Variants in L3MBTL4 observed in about 807,000 individuals in gnomAD.
L3MBTL4 encodes L3MBTL histone methyl-lysine binding protein 4, also known as lethal(3)malignant brain tumor-like protein 4.
In L3MBTL4, 70 loss-of-function variants were observed where a neutral mutation model predicts 84.5. The observed-to-expected ratio is 0.83, with a 90% CI of 0.68 to 1.01. L3MBTL4 has a LOEUF of 1.01. Among genes scored for constraint, L3MBTL4 ranks in the 50% least tolerant of loss-of-function variants. The pLI, the probability that L3MBTL4 is intolerant of heterozygous loss-of-function variation, is 0.00. For synonymous variants in L3MBTL4, 274 were observed against 259.8 expected, an observed-to-expected ratio of 1.05 and a Z score of -0.52; for missense variants, 715 against 754.8, an observed-to-expected ratio of 0.95 and a Z score of 0.62.
chr18:6,114,233 G>A (rs2059288333), intron 14 of L3MBTL4, among the ~76,000 whole-genome samples: 1 of 152,142 alleles, frequency 6.6e-6, no homozygotes, highest in Admixed American at 6.5e-5. Context: ...GAGCAGGGCT[G>A]GGCCTCCCCT....
chr18:6,311,163 G>C (rs1029394759), intron 3 of L3MBTL4, among the ~76,000 whole-genome samples: 6 of 151,348 alleles, frequency 4.0e-5, no homozygotes, highest in Non-Finnish European at 4.4e-5. Context: ...GCTCTCTCTC[G>C]CTCTGTGTGT....
intron 10 of L3MBTL4, among the ~76,000 whole-genome samples, chr18:6,233,660 TAA>T (rs1187345136): frequency 1.3e-5 from 2 of 151,756 alleles, no homozygotes; most frequent in African/African-American, 4.9e-5. Context: ...CTCAATGAAA[TAA>T]AAGAGGAAAC....
chr18:6,297,792 G>GC (rs1385080203), intron 4 of L3MBTL4, among the ~76,000 whole-genome samples: 1 of 152,050 alleles, frequency 6.6e-6, no homozygotes, highest in African/African-American at 2.4e-5. Flanking sequence ...ATTCATTTTA[G>GC]CCATCATTCA....
At chr18:6,367,240 A>G (rs2053974085) in intron 1 of L3MBTL4, 1 of 152,230 alleles carries the variant, frequency 6.6e-6, no homozygotes, top group African/African-American at 2.4e-5. Flanking sequence ...GAAATGTGCT[A>G]TTTTCAAAAC....
intron 16 of L3MBTL4, chr18:6,029,590 T>C: frequency 1.0e-6 from 1 of 985,242 alleles, no homozygotes; most frequent in Non-Finnish European, 1.2e-6. Context: ...TGCTTAGGAA[T>C]AAACTTCGTA....
intron 12 of L3MBTL4, among the ~76,000 whole-genome samples, chr18:6,193,837 C>A (rs16949615): frequency 1.3e-5 from 2 of 152,078 alleles, no homozygotes; most frequent in African/African-American, 4.8e-5. Flanking sequence ...GCTTAAATGC[C>A]CTTTTACCAG....
intron 1 of L3MBTL4, among the ~76,000 whole-genome samples, chr18:6,373,090 C>T (rs2054222944): frequency 6.6e-6 from 1 of 152,120 alleles, no homozygotes; most frequent in South Asian, 2.1e-4. Context: ...AATATTTAAA[C>T]ATGGTTCTCT....
At chr18:6,351,383 T>G (rs2729735) in intron 1 of L3MBTL4, among the ~76,000 whole-genome samples, 41,384 of 151,856 alleles carry the variant, frequency 0.27, 7,369 homozygotes, top group African/African-American at 0.51. Context: ...GGGGATTGAT[T>G]GTTTACTGAA....
chr18:6,130,694 A>T (rs1337093464), intron 14 of L3MBTL4, among the ~76,000 whole-genome samples: 1 of 152,224 alleles, frequency 6.6e-6, no homozygotes, highest in African/African-American at 2.4e-5. Flanking sequence ...ATTTGGAAAA[A>T]AAAATTTCGT....
intron 17 of L3MBTL4, among the ~76,000 whole-genome samples, chr18:5,967,597 A>G (rs1434703935): frequency 6.6e-6 from 1 of 152,120 alleles, no homozygotes; most frequent in Non-Finnish European, 1.5e-5. Flanking sequence ...CCAGGTGCCT[A>G]TTAAGTGCAG....
chr18:6,146,113 G>T (rs565973395), intron 13 of L3MBTL4, among the ~76,000 whole-genome samples: 1 of 152,236 alleles, frequency 6.6e-6, no homozygotes. Flanking sequence ...GAGATGAGAC[G>T]GCGTGGGCCA....
chr18:6,134,195 C>T (rs2059960712), intron 14 of L3MBTL4, among the ~76,000 whole-genome samples: 1 of 152,128 alleles, frequency 6.6e-6, no homozygotes, highest in African/African-American at 2.4e-5. Context: ...TGTTCACTAT[C>T]ACAAGAATAG....
chr18:5,965,502 A>G (rs1192607838), intron 17 of L3MBTL4, among the ~76,000 whole-genome samples: 2 of 152,128 alleles, frequency 1.3e-5, no homozygotes, highest in African/African-American at 4.8e-5. Flanking sequence ...AAAGCGCAAA[A>G]GCACCCCTGA....
intron 1 of L3MBTL4, chr18:6,399,765 A>G (rs994413857): frequency 6.6e-6 from 1 of 152,240 alleles, no homozygotes; most frequent in South Asian, 2.1e-4. Context: ...TCTCTATATG[A>G]TATAATGAAA....
chr18:6,186,002 A>ATT (rs542901226), intron 12 of L3MBTL4, among the ~76,000 whole-genome samples: 1 of 134,184 alleles, frequency 7.5e-6, no homozygotes, highest in African/African-American at 3.8e-5. Context: ...TTATTATTTT[A>ATT]TATTTTATTT....
At chr18:6,394,648 A>C (rs1013521547) in intron 1 of L3MBTL4, among the ~76,000 whole-genome samples, 1 of 152,242 alleles carries the variant, frequency 6.6e-6, no homozygotes, top group African/African-American at 2.4e-5. Flanking sequence ...CAGGCACCCA[A>C]TAATTATTTG....
At chr18:6,140,958 A>T (rs563670021) in intron 13 of L3MBTL4, among the ~76,000 whole-genome samples, 16 of 151,786 alleles carry the variant, frequency 1.1e-4, no homozygotes, top group South Asian at 1.0e-3. Context: ...TTTTCATGAA[A>T]TCTAATTACA....
At chr18:5,980,166 G>A (rs1473688930) in intron 16 of L3MBTL4, among the ~76,000 whole-genome samples, 1 of 152,184 alleles carries the variant, frequency 6.6e-6, no homozygotes, top group Non-Finnish European at 1.5e-5. Context: ...TGCGTTGTGG[G>A]GTGCTCTCAG....
intron 14 of L3MBTL4, among the ~76,000 whole-genome samples, chr18:6,123,927 G>A (rs1343326440): frequency 1.3e-5 from 2 of 152,162 alleles, no homozygotes; most frequent in African/African-American, 4.8e-5. Context: ...TGGGATCAAC[G>A]AGTGTGTGAA....
Sources: allele counts gnomAD v4.1 joint callset (sites outside exome capture counted in the v4.1 genomes callset), GRCh38; gene constraint gnomAD v4.1.1; transcripts MANE v1.5; gene names NCBI Gene and HGNC (gene_info 2026-07-23, HGNC 2026-07-21).